The following KCTD16 variants were observed in gnomAD, a reference collection of about 807,000 sequenced individuals.
KCTD16 encodes BTB/POZ domain-containing protein KCTD16.
Under a neutral mutation model 33.2 loss-of-function variants are expected in KCTD16, and 13 were observed. The ratio of observed to expected loss-of-function variants is 0.39; its 90% CI spans 0.25 to 0.62. KCTD16 has a LOEUF of 0.62. Ranked by LOEUF, KCTD16 falls within the 20% of genes least tolerant of loss-of-function variation. KCTD16 has a pLI of 0.50. For synonymous variants in KCTD16, 197 were observed against 195.3 expected (o/e 1.01, Z -0.07); for missense variants, 441 against 525.1 (o/e 0.84, Z 1.57).
At chr5:144,336,905 A>C (rs1455200392) in intron 3 of KCTD16, among the ~76,000 whole-genome samples, 1 of 152,018 alleles carries the variant, frequency 6.6e-6, no homozygotes, top group Non-Finnish European at 1.5e-5. Flanking sequence ...GTAATTCAAA[A>C]TTATATAAAA....
At chr5:144,449,602 G>A (rs966262437) in intron 3 of KCTD16, among the ~76,000 whole-genome samples, 1 of 151,882 alleles carries the variant, frequency 6.6e-6, no homozygotes, top group African/African-American at 2.4e-5. Flanking sequence ...ATGTTACAGA[G>A]CTATGGTAAT....
At chr5:144,419,862 C>G (rs1255141132) in intron 3 of KCTD16, among the ~76,000 whole-genome samples, 1 of 152,000 alleles carries the variant, frequency 6.6e-6, no homozygotes, top group Non-Finnish European at 1.5e-5. Context: ...GAGCTTATAG[C>G]TTTTTGCAAT....
intron 2 of KCTD16, among the ~76,000 whole-genome samples, chr5:144,189,937 A>C (rs149148151): frequency 2.4e-3 from 362 of 152,324 alleles, no homozygotes; most frequent in African/African-American, 8.4e-3. Flanking sequence ...TGAGGCTGAC[A>C]ACCCACAACC....
intron 2 of KCTD16, among the ~76,000 whole-genome samples, chr5:144,195,912 C>T (rs551542702): frequency 6.6e-6 from 1 of 152,294 alleles, no homozygotes; most frequent in South Asian, 2.1e-4. Context: ...ACTTTTTCCT[C>T]TTCTCTTAAC....
chr5:144,246,074 A>G (rs975413455), intron 3 of KCTD16, among the ~76,000 whole-genome samples: 7 of 152,158 alleles, frequency 4.6e-5, no homozygotes, highest in Non-Finnish European at 8.8e-5. Context: ...TGAGGTGTAC[A>G]GGGCAATGAT....
At chr5:144,224,162 T>A (rs1454591197) in intron 3 of KCTD16, among the ~76,000 whole-genome samples, 1 of 152,204 alleles carries the variant, frequency 6.6e-6, no homozygotes, top group Non-Finnish European at 1.5e-5. Context: ...ATTTTGATTC[T>A]ATCTTTTGGA....
intron 3 of KCTD16, among the ~76,000 whole-genome samples, chr5:144,407,487 A>G (rs574248717): frequency 6.6e-6 from 1 of 152,170 alleles, no homozygotes; most frequent in Admixed American, 6.6e-5. Flanking sequence ...CCTGTGTAAT[A>G]AGCATAGTAC....
intron 3 of KCTD16, among the ~76,000 whole-genome samples, chr5:144,267,697 A>G (rs1167068410): frequency 6.6e-6 from 1 of 152,186 alleles, no homozygotes. Flanking sequence ...TGGAGGAGGC[A>G]AAACAAAGAA....
intron 3 of KCTD16, among the ~76,000 whole-genome samples, chr5:144,211,291 G>C (rs1753383061): frequency 6.6e-6 from 1 of 152,124 alleles, no homozygotes; most frequent in Non-Finnish European, 1.5e-5. Flanking sequence ...GCCTTCATAA[G>C]AAAACAGGTG....
chr5:144,409,942 G>A (rs1225820685), intron 3 of KCTD16, among the ~76,000 whole-genome samples: 1 of 152,212 alleles, frequency 6.6e-6, no homozygotes, highest in Admixed American at 6.5e-5. Flanking sequence ...GCGAATATGA[G>A]ATGCCATAGA....
At chr5:144,289,198 T>G (rs927870767) in intron 3 of KCTD16, among the ~76,000 whole-genome samples, 12 of 152,214 alleles carry the variant, frequency 7.9e-5, no homozygotes, top group Admixed American at 2.0e-4. Context: ...GAAGAAAAAT[T>G]ATCATTTATG....
At chr5:144,189,979 A>G (rs1041983433) in intron 2 of KCTD16, among the ~76,000 whole-genome samples, 4 of 152,196 alleles carry the variant, frequency 2.6e-5, no homozygotes, top group African/African-American at 9.7e-5. Flanking sequence ...TCCACCGGAA[A>G]AGGTTTTGGA....
intron 3 of KCTD16, among the ~76,000 whole-genome samples, chr5:144,328,030 CCAA>C (rs1430265490): frequency 6.6e-6 from 1 of 152,160 alleles, no homozygotes; most frequent in Non-Finnish European, 1.5e-5. Flanking sequence ...TAGCCTCCCA[CCAA>C]CAACATCACA....
At chr5:144,379,411 C>T (rs1752161925) in intron 3 of KCTD16, among the ~76,000 whole-genome samples, 1 of 152,046 alleles carries the variant, frequency 6.6e-6, no homozygotes, top group Non-Finnish European at 1.5e-5. Flanking sequence ...TTTAGGTGTC[C>T]TATAAATAAG....
At chr5:144,326,592 A>G (rs244533) in intron 3 of KCTD16, among the ~76,000 whole-genome samples, 33,166 of 151,920 alleles carry the variant, frequency 0.22, 3,999 homozygotes, top group Non-Finnish European at 0.28. Context: ...TCTCATTTCA[A>G]TACCTCCCAC....
chr5:144,235,440 A>G (rs1754224694), intron 3 of KCTD16, among the ~76,000 whole-genome samples: 1 of 152,042 alleles, frequency 6.6e-6, no homozygotes, highest in African/African-American at 2.4e-5. Flanking sequence ...AGTCAGTTTG[A>G]CTGAGATCAA....
At chr5:144,421,565 G>C (rs1168764239) in intron 3 of KCTD16, among the ~76,000 whole-genome samples, 1 of 152,150 alleles carries the variant, frequency 6.6e-6, no homozygotes, top group Non-Finnish European at 1.5e-5. Flanking sequence ...GGGTAAGAGA[G>C]TGACTCAGTG....
chr5:144,482,912 T>A lies in KCTD16; in HGVS notation c.*8798T>A, dbSNP rs1754733512. ...TTATTATTACAATTTATATTTGGTT[T>A]CCTAGACGGTCTAATATAGTTCTAA... On this transcript the variant is annotated 3_prime_UTR_variant, in exon 4 of 4. Transcript: ENST00000512467. The A allele has an allele frequency of 6.6e-6, 1 of 151,692 alleles. No individual in the cohort carries two copies. The highest frequency in any genetic ancestry group is 2.1e-4 in the South Asian group (1 of 4,824). The allele number at this position is 151,692 out of a possible 1,614,324, so 9.4% of individuals were successfully genotyped here.
At chr5:144,471,904 G>A (rs1344164219) in intron 3 of KCTD16, among the ~76,000 whole-genome samples, 1 of 152,170 alleles carries the variant, frequency 6.6e-6, no homozygotes, top group Non-Finnish European at 1.5e-5. Flanking sequence ...TTCTGGAGTT[G>A]TGATTTATAG....
Sources: gnomAD v4.1 joint callset for allele counts (sites outside exome capture counted in the v4.1 genomes callset) on GRCh38, gnomAD v4.1.1 for gene constraint, MANE v1.5 for transcripts, NCBI Gene and HGNC (gene_info 2026-07-23, HGNC 2026-07-21) for gene names.